Variants in TTC28 observed in about 807,000 individuals in gnomAD.
TTC28 encodes the protein tetratricopeptide repeat domain 28.
TTC28 carries 61 observed loss-of-function variants against 198.0 expected under a neutral mutation model. That is an observed-to-expected ratio of 0.31 (90% CI 0.25 to 0.38). The LOEUF (loss-of-function observed/expected upper bound fraction) is 0.38. Among genes scored for constraint, TTC28 ranks in the 10% least tolerant of loss-of-function variants. The pLI, the probability that TTC28 is intolerant of heterozygous loss-of-function variation, is 1.00. For missense variants in TTC28, 2,678 were observed against 3,164.0 expected, an observed-to-expected ratio of 0.85 and a Z score of 3.69; for synonymous variants, 1,171 against 1,297.8, an observed-to-expected ratio of 0.90 and a Z score of 2.10.
chr22:28,637,011 T>G (rs1179400143), intron 1 of TTC28, among the ~76,000 whole-genome samples: 4 of 144,596 alleles, frequency 2.8e-5, no homozygotes, highest in East Asian at 2.0e-4. Flanking sequence ...TCAGTTTTTT[T>G]TTTTTTTTTT....
At chr22:28,580,204 A>G (rs960421054) in intron 2 of TTC28, among the ~76,000 whole-genome samples, 1 of 152,152 alleles carries the variant, frequency 6.6e-6, no homozygotes, top group African/African-American at 2.4e-5. Context: ...CTGAGTGGAT[A>G]ACTGCACCTT....
intron 13 of TTC28, among the ~76,000 whole-genome samples, chr22:28,025,594 C>T (rs905712763): frequency 6.6e-6 from 1 of 152,220 alleles, no homozygotes; most frequent in Non-Finnish European, 1.5e-5. Context: ...TAAAAAACCA[C>T]AGCCTGGCCA....
intron 10 of TTC28, among the ~76,000 whole-genome samples, chr22:28,096,738 C>CT (rs976632591): frequency 1.3e-4 from 20 of 148,898 alleles, no homozygotes; most frequent in South Asian, 1.3e-3. Context: ...CCTAACCTGG[C>CT]TTTTTTTTTT....
intron 2 of TTC28, among the ~76,000 whole-genome samples, chr22:28,419,544 T>C (rs1054825879): frequency 6.6e-6 from 1 of 152,230 alleles, no homozygotes; most frequent in Non-Finnish European, 1.5e-5. Context: ...TTTAGTATTT[T>C]CTTACTGAGG....
At chr22:28,187,395 G>T (rs1193828330) in intron 5 of TTC28, among the ~76,000 whole-genome samples, 3 of 152,180 alleles carry the variant, frequency 2.0e-5, no homozygotes, top group African/African-American at 7.2e-5. Context: ...CAGAAAGACA[G>T]AACTTTGATT....
At chr22:28,445,738 A>T (rs2047691789) in intron 2 of TTC28, among the ~76,000 whole-genome samples, 1 of 152,132 alleles carries the variant, frequency 6.6e-6, no homozygotes, top group African/African-American at 2.4e-5. Context: ...CAGATATCAT[A>T]TAGAAAGGCT....
In TTC28 at chr22:27,980,309, TAAAG is replaced by T. The variant is rs928247163; in HGVS notation, c.*1908_*1911del. On this transcript the variant is annotated 3_prime_UTR_variant, in exon 23 of 23. Transcript: ENST00000397906. ...ATTACCATTTTTTCCCCTACTAACA[TAAAG>T]AAACCCTCATAATTGCTGGCTTCTT... is the stretch of plus-strand genomic sequence containing the variant. The T allele has an allele frequency of 2.4e-4, 36 of 152,238 alleles. No individual in the cohort carries two copies. The highest frequency in any genetic ancestry group is 7.7e-4 in the African/African-American group (32 of 41,462). The allele number at this position is 152,238 out of a possible 1,614,324, so 9.4% of individuals were successfully genotyped here. A position where few individuals can be genotyped will look rare whatever the true frequency, so the allele number is the denominator to read the frequency against.
intron 2 of TTC28, among the ~76,000 whole-genome samples, chr22:28,313,059 T>C (rs1486890325): frequency 6.6e-6 from 1 of 152,118 alleles, no homozygotes; most frequent in Non-Finnish European, 1.5e-5. Flanking sequence ...AAATACAAAC[T>C]ACCATCAGAG....
At chr22:28,658,722 C>T (rs190380094) in intron 1 of TTC28, among the ~76,000 whole-genome samples, 5 of 152,234 alleles carry the variant, frequency 3.3e-5, no homozygotes, top group East Asian at 1.9e-4. Context: ...GAGTGCCAGG[C>T]GCAGTGGCTC....
intron 2 of TTC28, among the ~76,000 whole-genome samples, chr22:28,436,701 T>C (rs969220378): frequency 6.6e-6 from 1 of 152,130 alleles, no homozygotes; most frequent in African/African-American, 2.4e-5. Context: ...AACTACAGAG[T>C]CACACTAAGA....
intron 2 of TTC28, among the ~76,000 whole-genome samples, chr22:28,308,110 A>G (rs999775508): frequency 2.0e-4 from 30 of 152,206 alleles, no homozygotes; most frequent in Non-Finnish European, 8.8e-5. Context: ...TTAAAGTACC[A>G]GTAGCTGTTA....
At chr22:28,038,282 C>T (rs1939448716) in intron 12 of TTC28, among the ~76,000 whole-genome samples, 1 of 152,182 alleles carries the variant, frequency 6.6e-6, no homozygotes, top group East Asian at 1.9e-4. Context: ...TACAAGGCTA[C>T]AGTAACCAAA....
At chr22:28,347,688 A>T (rs964320211) in intron 2 of TTC28, among the ~76,000 whole-genome samples, 2 of 152,176 alleles carry the variant, frequency 1.3e-5, no homozygotes, top group African/African-American at 4.8e-5. Flanking sequence ...CCTGGCCAAC[A>T]TGGTGAAACC....
At chr22:28,055,217 GAC>G (rs1940238058) in intron 12 of TTC28, among the ~76,000 whole-genome samples, 2 of 152,176 alleles carry the variant, frequency 1.3e-5, no homozygotes. Context: ...GGGAGTAACA[GAC>G]ACAGTCCCTG....
intron 2 of TTC28, among the ~76,000 whole-genome samples, chr22:28,490,351 C>T (rs2048360220): frequency 2.0e-5 from 3 of 152,156 alleles, no homozygotes; most frequent in Admixed American, 2.0e-4. Flanking sequence ...CATTGCTCTG[C>T]TCTGTAGTCG....
At position 28,006,028 on chromosome 22, in the gene TTC28, G is replaced by A. The variant is rs376741894; in HGVS notation, c.4219-4475C>T. Among the ~76,000 whole-genome samples the A allele has an allele frequency of 5.1e-4, 78 of 152,298 alleles. 3 individuals are homozygous for A. The South Asian group carries it at 0.016, about 30-fold the overall frequency. On this transcript the variant is annotated intron_variant, in intron 14 of 22. Coordinates refer to ENST00000397906, the MANE Select transcript of TTC28 (RefSeq NM_001145418.2). ...TTTCTGTCTCCAGATGGACCCAGAGGATGAAAAGCCGTGTGCAGTGGCCCA... is the reference window on the plus strand; with the variant it reads ...TTTCTGTCTCCAGATGGACCCAGAGAATGAAAAGCCGTGTGCAGTGGCCCA...
At chr22:27,992,545 A>G (rs1353116120) in intron 19 of TTC28, 42 bp downstream of exon 19, 1 of 1,542,206 alleles carries the variant, frequency 6.5e-7, no homozygotes, top group African/African-American at 1.4e-5. Context: ...CCAAATCAGC[A>G]TGGGCCTCAG....
At chr22:28,432,295 A>C (rs1269395193) in intron 2 of TTC28, among the ~76,000 whole-genome samples, 1 of 151,558 alleles carries the variant, frequency 6.6e-6, no homozygotes, top group African/African-American at 2.4e-5. Flanking sequence ...CAAAATAAAT[A>C]AATAAATAAA....
chr22:28,430,214 A>G (rs1212122896), intron 2 of TTC28, among the ~76,000 whole-genome samples: 3 of 152,094 alleles, frequency 2.0e-5, no homozygotes, highest in Admixed American at 2.0e-4. Flanking sequence ...GAGCAATTCT[A>G]TTTCTTAGTG....
Sources: gnomAD v4.1 joint callset for allele counts (sites outside exome capture counted in the v4.1 genomes callset) on GRCh38, gnomAD v4.1.1 for gene constraint, MANE v1.5 for transcripts, NCBI Gene and HGNC (gene_info 2026-07-23, HGNC 2026-07-21) for gene names.